The following SPATA13 variants were observed in gnomAD, a reference collection of about 807,000 sequenced individuals.
The protein encoded by SPATA13 is spermatogenesis associated 13, also known as spermatogenesis-associated protein 13.
SPATA13 carries 50 observed loss-of-function variants against 104.0 expected under a neutral mutation model. The observed-to-expected ratio is 0.48, with a 90% CI of 0.38 to 0.61. The LOEUF (loss-of-function observed/expected upper bound fraction) is 0.61, where lower values mean the gene tolerates loss of function less well. SPATA13 is among the 20% of genes least tolerant of loss of function. The pLI is 0.00. For synonymous variants in SPATA13, 606 were observed against 667.5 expected (o/e 0.91, Z 1.42); for missense variants, 1,524 against 1,690.6 (o/e 0.90, Z 1.73).
At chr13:24,291,754 T>TA (rs1436646889) in intron 9 of SPATA13, among the ~76,000 whole-genome samples, 10 of 82,492 alleles carry the variant, frequency 1.2e-4, no homozygotes, top group Admixed American at 4.0e-4. Flanking sequence ...TTTTATTTTT[T>TA]TATTTTTTTT....
At position 24,235,486 on chromosome 13, in the gene SPATA13, G is replaced by A. The variant is rs189241017; in HGVS notation, c.1653+10904G>A. ...GTGATAAAGAATTGGTCTGGCTGAC[G>A]TGGTGGCTCATGCCTATAATCCCAG... On this transcript the variant is annotated intron_variant, in intron 2 of 12. Transcript: ENST00000382108. 3.9e-4 allele frequency among the ~76,000 whole-genome samples: 59 copies of A among 152,326 alleles called. 2 individuals carry two copies. In the East Asian group the frequency reaches 9.5e-3, roughly 24 times the overall value.
intron 3 of SPATA13, among the ~76,000 whole-genome samples, chr13:24,118,369 C>A (rs1055179062): frequency 1.3e-5 from 2 of 152,174 alleles, no homozygotes; most frequent in Non-Finnish European, 2.9e-5. Context: ...AATTACAAAA[C>A]TACTCTTACT....
chr13:23,998,035 T>A (rs1194283770), intron 2 of SPATA13, among the ~76,000 whole-genome samples: 1 of 152,188 alleles, frequency 6.6e-6, no homozygotes, highest in Non-Finnish European at 1.5e-5. Flanking sequence ...GGAATTCAGT[T>A]TCAGGTCTTT....
intron 1 of SPATA13, among the ~76,000 whole-genome samples, chr13:24,190,020 CATA>C (rs1275076385): frequency 1.4e-4 from 1 of 7,314 alleles, no homozygotes; most frequent in African/African-American, 1.8e-4. Context: ...TATTATATAA[CATA>C]ATGATATACA....
chr13:24,092,412 T>A (rs1231752681), intron 3 of SPATA13, among the ~76,000 whole-genome samples: 1 of 152,230 alleles, frequency 6.6e-6, no homozygotes. Context: ...AGTGAATGAC[T>A]GCAATTGGTA....
chr13:24,061,697 A>G (rs1878777190), intron 3 of SPATA13, among the ~76,000 whole-genome samples: 1 of 152,144 alleles, frequency 6.6e-6, no homozygotes, highest in Admixed American at 6.5e-5. Context: ...GGAGGGGAAC[A>G]ACAACACTGG....
intron 1 of SPATA13, among the ~76,000 whole-genome samples, chr13:24,179,452 T>G (rs1287561932): frequency 6.6e-6 from 1 of 152,204 alleles, no homozygotes; most frequent in Non-Finnish European, 1.5e-5. Context: ...AATTTAAAAA[T>G]TGTGGTAAAA....
intron 3 of SPATA13, among the ~76,000 whole-genome samples, chr13:24,044,420 A>G (rs1878057439): frequency 6.6e-6 from 1 of 151,518 alleles, no homozygotes; most frequent in African/African-American, 2.4e-5. Context: ...TTTAGTAGAG[A>G]CGGGGTTTCA....
intron 1 of SPATA13, among the ~76,000 whole-genome samples, chr13:24,167,243 A>G (rs1006488960): frequency 2.6e-5 from 4 of 152,136 alleles, no homozygotes; most frequent in African/African-American, 9.7e-5. Flanking sequence ...GGAGGCTGTG[A>G]TGGTTCTGTG....
chr13:24,171,107 A>C (rs1183880916), intron 1 of SPATA13, among the ~76,000 whole-genome samples: 2 of 151,946 alleles, frequency 1.3e-5, no homozygotes, highest in Non-Finnish European at 2.9e-5. Context: ...TTGGAAATAC[A>C]TTTTCCCATT....
chr13:24,297,814 T>A, intron 11 of SPATA13, 79 bp downstream of exon 11: 1 of 1,496,772 alleles, frequency 6.7e-7, no homozygotes, highest in Non-Finnish European at 8.9e-7. Flanking sequence ...ATGGGCCTGC[T>A]CTGCCCAGCC....
chr13:24,291,162 G>A (rs529769174), intron 9 of SPATA13, among the ~76,000 whole-genome samples: 2 of 152,244 alleles, frequency 1.3e-5, no homozygotes, highest in South Asian at 4.1e-4. Flanking sequence ...GTATTGTTAT[G>A]TTGCTTACCT....
At chr13:24,118,893 A>T (rs1880939701) in intron 3 of SPATA13, among the ~76,000 whole-genome samples, 1 of 115,060 alleles carries the variant, frequency 8.7e-6, no homozygotes. Flanking sequence ...GGTAGACGCT[A>T]CATTTTTCTT....
At chr13:24,293,343 A>G (rs988662107) in intron 9 of SPATA13, among the ~76,000 whole-genome samples, 1 of 152,138 alleles carries the variant, frequency 6.6e-6, no homozygotes, top group Non-Finnish European at 1.5e-5. Flanking sequence ...TCCTGATGGC[A>G]TGATGAGGAG....
In SPATA13 at chr13:24,223,950, G is replaced by A. The variant is rs1019952652; in HGVS notation, c.1021G>A (p.Ala341Thr). The A allele has an allele frequency of 6.5e-7, 1 of 1,550,316 alleles. No individual in the cohort carries two copies. Among genetic ancestry groups the A allele is most frequent in the Non-Finnish European group, 8.7e-7 (1 of 1,146,218 alleles). ...GAGGAGGGAGAGTCCTAGGAGTGGGGCCCCATCCCCTGGAGAGGCCAGCCT... is the reference window on the plus strand; with the variant it reads ...GAGGAGGGAGAGTCCTAGGAGTGGGACCCCATCCCCTGGAGAGGCCAGCCT... ...AWRRESPRSG[A>T]PSPGEASLRL... Residue 341 changes from alanine (A) to threonine (T), a missense_variant, in exon 2 of 13, where the codon GCC becomes ACC. By Grantham distance (58) the Ala-to-Thr change is moderately conservative (BLOSUM62 0). Transcript: ENST00000382108.
intron 2 of SPATA13, among the ~76,000 whole-genome samples, chr13:24,017,414 T>G (rs1467384725): frequency 2.0e-5 from 3 of 152,168 alleles, no homozygotes; most frequent in Non-Finnish European, 2.9e-5. Flanking sequence ...GTGATCTAAA[T>G]CTAAATCTCT....
chr13:24,165,728 A>T, intron 1 of SPATA13, among the ~76,000 whole-genome samples: 1 of 152,216 alleles, frequency 6.6e-6, no homozygotes, highest in East Asian at 1.9e-4. Context: ...GGTATTGCTG[A>T]TCAGAACGTT....
chr13:24,014,972 G>A (rs1002320843), intron 2 of SPATA13, among the ~76,000 whole-genome samples: 4 of 141,790 alleles, frequency 2.8e-5, no homozygotes, highest in Non-Finnish European at 6.0e-5. Flanking sequence ...CTCACTGCAA[G>A]CTCCACTTCC....
At chr13:24,102,535 C>T (rs111534108) in intron 3 of SPATA13, among the ~76,000 whole-genome samples, 1,774 of 147,372 alleles carry the variant, frequency 0.012, 50 homozygotes, top group East Asian at 0.063. Flanking sequence ...AGTGCAGTGG[C>T]GCAATCTTGG....
Sources: allele counts gnomAD v4.1 joint callset (sites outside exome capture counted in the v4.1 genomes callset), GRCh38; gene constraint gnomAD v4.1.1; transcripts MANE v1.5; gene names NCBI Gene and HGNC (gene_info 2026-07-23, HGNC 2026-07-21).